MAEA: variants seen among roughly 807,000 people sequenced by gnomAD.
The protein encoded by MAEA is macrophage erythroblast attacher, E3 ubiquitin ligase.
In MAEA, 22 loss-of-function variants were observed where a neutral mutation model predicts 46.2. That is an observed-to-expected ratio of 0.48 (90% CI 0.34 to 0.68). MAEA has a LOEUF of 0.68. MAEA is among the 30% of genes least tolerant of loss of function. The pLI is 0.01. For synonymous variants in MAEA, 246 were observed against 222.6 expected, an observed-to-expected ratio of 1.11 and a Z score of -0.94; for missense variants, 393 against 558.1, an observed-to-expected ratio of 0.70 and a Z score of 2.98.
chr4:1,315,724 C>A, intron 3 of MAEA, 124 bp downstream of exon 3: 3 of 773,362 alleles, frequency 3.9e-6, no homozygotes, highest in Non-Finnish European at 2.0e-6. Context: ...CCCCCCACCC[C>A]CGTATGCTTG....
intron 2 of MAEA, among the ~76,000 whole-genome samples, chr4:1,313,119 C>T (rs778878527): frequency 6.6e-6 from 1 of 152,238 alleles, no homozygotes; most frequent in Non-Finnish European, 1.5e-5. Flanking sequence ...AGCATTGCAG[C>T]CTACGTTCAG....
intron 3 of MAEA, 137 bp from the exon 4 acceptor site, chr4:1,322,244 A>G (rs1396436928): frequency 8.2e-7 from 1 of 1,216,130 alleles, no homozygotes. Context: ...ACGAGTGCAG[A>G]CCCACAGTGT....
At chr4:1,299,286 C>T (rs1735082951) in intron 1 of MAEA, among the ~76,000 whole-genome samples, 2 of 152,184 alleles carry the variant, frequency 1.3e-5, no homozygotes, top group African/African-American at 4.8e-5. Flanking sequence ...CTCCCTTGGT[C>T]AGGCCAGAAC....
chr4:1,338,722 CG>C (rs1401511137), intron 8 of MAEA, 105 bp downstream of exon 8: 18 of 512,960 alleles, frequency 3.5e-5, no homozygotes, highest in Non-Finnish European at 5.2e-5. Context: ...GCATCGCCAT[CG>C]GGACAGGGCT....
chr4:1,327,038 C>G (rs763355439), intron 4 of MAEA, among the ~76,000 whole-genome samples: 2 of 152,234 alleles, frequency 1.3e-5, no homozygotes, highest in Non-Finnish European at 2.9e-5. Context: ...GCTTGCTTCT[C>G]TGCCTCATGC....
At chr4:1,317,228 C>G (rs1218185876) in intron 3 of MAEA, among the ~76,000 whole-genome samples, 5 of 91,862 alleles carry the variant, frequency 5.4e-5, no homozygotes, top group Non-Finnish European at 9.8e-5. Flanking sequence ...CTCACCCCAG[C>G]CCCCACACTC....
chr4:1,320,511 A>G (rs1359660597), intron 3 of MAEA, among the ~76,000 whole-genome samples: 1 of 150,122 alleles, frequency 6.7e-6, no homozygotes, highest in South Asian at 2.1e-4. Context: ...CATGCAAGAA[A>G]ACGCTATGAA....
chr4:1,327,195 G>A (rs1025702874), intron 4 of MAEA, among the ~76,000 whole-genome samples: 10 of 152,256 alleles, frequency 6.6e-5, no homozygotes, highest in Non-Finnish European at 1.5e-4. Context: ...CGGGATAGTT[G>A]GGTCCAGAGG....
In MAEA at chr4:1,311,606, T is replaced by TG. The variant is rs1399823285; in HGVS notation, c.70-371dup. ...GGTGGCGCCTGCAGCCGCAGCAGCC[T>TG]GGCTGATCACCGGCCAGGCCTGTGT... On this transcript the variant is annotated intron_variant, in intron 1 of 8. Coordinates refer to ENST00000303400, the MANE Select transcript of MAEA (RefSeq NM_001017405.3). This position sits in a 1 kb window ranked among gnomAD's most constrained non-coding sequence, Gnocchi z 4.4. Among the ~76,000 whole-genome samples, 1 of 152,180 alleles carries TG rather than the reference T, an allele frequency of 6.6e-6. No individual in the cohort carries two copies. The highest frequency in any genetic ancestry group is 1.5e-5 in the Non-Finnish European group (1 of 68,036).
rs533531792 is a variant in MAEA, at chr4:1,298,721, C to T, written c.69+8739C>T. Among the ~76,000 whole-genome samples, 9 of 152,256 alleles carry T rather than the reference C, an allele frequency of 5.9e-5. No individual in the cohort carries two copies. The South Asian group carries it at 1.9e-3, about 32-fold the overall frequency. On this transcript the variant is annotated intron_variant, in intron 1 of 8. Transcript: ENST00000303400. Reference sequence around the variant, plus strand: ...GCCCTGGGTGTTGCTGTGAGCACCGCTGCCTTGGTGCTCTCACAGGGTCTA... The same window carrying T: ...GCCCTGGGTGTTGCTGTGAGCACCGTTGCCTTGGTGCTCTCACAGGGTCTA...
chr4:1,295,483 C>T (rs975749511), intron 1 of MAEA, among the ~76,000 whole-genome samples: 1 of 151,916 alleles, frequency 6.6e-6, no homozygotes, highest in Non-Finnish European at 1.5e-5. Context: ...GGGAGGGGCC[C>T]AGAGCAGCCT....
chr4:1,311,321 C>A lies in MAEA; in HGVS notation c.70-658C>A, dbSNP rs1198238464. Among the ~76,000 whole-genome samples, 1 of 152,242 alleles carries A rather than the reference C, an allele frequency of 6.6e-6. No individual in the cohort carries two copies. Among genetic ancestry groups the A allele is most frequent in the African/African-American group, 2.4e-5 (1 of 41,462 alleles). On this transcript the variant is annotated intron_variant, in intron 1 of 8. Coordinates refer to ENST00000303400, the MANE Select transcript of MAEA (RefSeq NM_001017405.3). The surrounding 1 kb of genome is among the most constrained non-coding windows in gnomAD (Gnocchi z 4.4). Reference sequence around the variant, plus strand: ...CTTTCAAACCGTAGAGCACAGGAAACGGGCGGAGAAGAACTCAGCAGCGCT... The same window carrying A: ...CTTTCAAACCGTAGAGCACAGGAAAAGGGCGGAGAAGAACTCAGCAGCGCT...
At chr4:1,313,455 C>T (rs773746686) in intron 2 of MAEA, among the ~76,000 whole-genome samples, 11 of 152,128 alleles carry the variant, frequency 7.2e-5, no homozygotes, top group Admixed American at 2.0e-4. Context: ...GCAGGCTGGG[C>T]GCGGTGGCTC....
intron 5 of MAEA, chr4:1,329,492 G>C (rs1281883458): frequency 2.1e-5 from 21 of 985,260 alleles, no homozygotes; most frequent in Non-Finnish European, 2.5e-5. Context: ...CCCGCAAGCA[G>C]ACACGTGCTG....
chr4:1,299,295 A>G (rs1484425336), intron 1 of MAEA, among the ~76,000 whole-genome samples: 2 of 152,090 alleles, frequency 1.3e-5, no homozygotes, highest in Admixed American at 1.3e-4. Flanking sequence ...TCAGGCCAGA[A>G]CCTTCAGGTT....
intron 1 of MAEA, among the ~76,000 whole-genome samples, chr4:1,302,281 A>G (rs889912067): frequency 6.6e-6 from 1 of 152,210 alleles, no homozygotes; most frequent in Non-Finnish European, 1.5e-5. Flanking sequence ...AGATGCAACA[A>G]AAGTACTTTA....
rs1037640356 is a variant in MAEA, at chr4:1,326,487, C to T, written c.580-1140C>T. Among the ~76,000 whole-genome samples the T allele has an allele frequency of 1.8e-4, 28 of 152,214 alleles. 1 individual carries two copies. The highest frequency in any genetic ancestry group is 6.5e-5 in the Admixed American group (1 of 15,284). On this transcript the variant is annotated intron_variant, in intron 4 of 8. Transcript: ENST00000303400. ...CTGCGGTCAATGTTGCCGCTGCCCCCACCCCAGCCACAAGTCTCGGCCCAC... is the reference window on the plus strand; with the variant it reads ...CTGCGGTCAATGTTGCCGCTGCCCCTACCCCAGCCACAAGTCTCGGCCCAC...
intron 4 of MAEA, among the ~76,000 whole-genome samples, chr4:1,323,939 A>T (rs896621598): frequency 8.6e-5 from 13 of 151,944 alleles, no homozygotes; most frequent in African/African-American, 2.4e-4. Flanking sequence ...CTGGTGGATG[A>T]GCGTGCCTGG....
At chr4:1,324,311 G>A (rs1339178559) in intron 4 of MAEA, among the ~76,000 whole-genome samples, 1 of 150,468 alleles carries the variant, frequency 6.6e-6, no homozygotes, top group Non-Finnish European at 1.5e-5. Context: ...GTTGGATGAA[G>A]TTGAGATTGG....
Sources: allele counts gnomAD v4.1 joint callset (sites outside exome capture counted in the v4.1 genomes callset), GRCh38; gene constraint gnomAD v4.1.1; non-coding constraint Gnocchi (gnomAD v3.1); transcripts MANE v1.5; gene names NCBI Gene and HGNC (gene_info 2026-07-23, HGNC 2026-07-21).